The following WDR27 variants were observed in gnomAD, a reference collection of about 807,000 sequenced individuals.
WDR27 encodes WD repeat domain 27.
A neutral mutation model predicts 114.4 loss-of-function variants in WDR27; 100 were observed. That is an observed-to-expected ratio of 0.87 (90% CI 0.74 to 1.03). WDR27 has a LOEUF of 1.03. WDR27 is among the 50% of genes least tolerant of loss of function. WDR27 has a pLI of 0.00. For synonymous variants in WDR27, 449 were observed against 423.1 expected, an observed-to-expected ratio of 1.06 and a Z score of -0.75; for missense variants, 1,129 against 1,092.9, an observed-to-expected ratio of 1.03 and a Z score of -0.47.
At position 169,638,679 on chromosome 6, in the gene WDR27, G is replaced by A. The variant is rs1818343272; in HGVS notation, c.1748-19C>T. 5 of 1,588,172 alleles carry A rather than the reference G, an allele frequency of 3.1e-6. No individual in the cohort carries two copies. The highest frequency in any genetic ancestry group is 1.8e-5 in the Admixed American group (1 of 56,132). On this transcript the variant is annotated intron_variant, in intron 17 of 25. Transcript: ENST00000448612. ...TCGTGACCTAACAGGAATGACCACA[G>A]AAGGTTACTATTTCTACTATTAATA...
At chr6:169,582,298 T>C (rs1803618512) in intron 24 of WDR27, among the ~76,000 whole-genome samples, 1 of 152,176 alleles carries the variant, frequency 6.6e-6, no homozygotes, top group Non-Finnish European at 1.5e-5. Context: ...TTTAATCCTT[T>C]GCAAAAAATC....
chr6:169,664,428 T>C (rs1253322644), intron 7 of WDR27, 142 bp from the exon 8 acceptor site: 2 of 1,515,630 alleles, frequency 1.3e-6, no homozygotes, highest in African/African-American at 1.4e-5. Context: ...GGCACAGCTG[T>C]CTCCTGCCTT....
In WDR27 at chr6:169,649,291, TC is replaced by T. The variant is rs765760663; in HGVS notation, c.1482-17del. 2.6e-6 allele frequency: 4 copies of T among 1,550,862 alleles called. No individual in the cohort carries two copies. The highest frequency in any genetic ancestry group is 3.5e-6 in the Non-Finnish European group (4 of 1,143,150). The stretch of plus-strand genomic sequence containing the variant: ...CATAGTTACACTGTGGAAAGAAAAC[TC>T]TAATATCACTCTCAAATATTAAGAG... On this transcript the variant is annotated splice_polypyrimidine_tract_variant and intron_variant, in intron 14 of 25. Transcript: ENST00000448612.
At chr6:169,487,439 C>T (rs537033068) in intron 25 of WDR27, among the ~76,000 whole-genome samples, 1 of 152,228 alleles carries the variant, frequency 6.6e-6, no homozygotes, top group African/African-American at 2.4e-5. Flanking sequence ...ACAGAAGGTG[C>T]GTGCTCACCC....
intron 14 of WDR27, among the ~76,000 whole-genome samples, chr6:169,650,241 CA>C: frequency 6.7e-6 from 1 of 148,634 alleles, no homozygotes; most frequent in Non-Finnish European, 1.5e-5. Context: ...ATCCATCCCT[CA>C]TCTCTGCATC....
intron 1 of WDR27, among the ~76,000 whole-genome samples, chr6:169,701,257 C>T (rs1260886340): frequency 6.6e-6 from 1 of 151,980 alleles, no homozygotes; most frequent in Non-Finnish European, 1.5e-5. Flanking sequence ...AAAATTACTC[C>T]CTTCTGATTA....
intron 23 of WDR27, among the ~76,000 whole-genome samples, chr6:169,599,436 G>C (rs9478071): frequency 6.6e-6 from 1 of 152,190 alleles, no homozygotes; most frequent in South Asian, 2.1e-4. Flanking sequence ...CTCAATTTCA[G>C]AGCCTGTTAT....
At chr6:169,477,060 A>G (rs117151644) in intron 25 of WDR27, among the ~76,000 whole-genome samples, 1,763 of 152,374 alleles carry the variant, frequency 0.012, 22 homozygotes, top group Non-Finnish European at 0.019. Context: ...AATCCTAAAT[A>G]GTAACAAAAC....
Position 169,660,741 on chromosome 6 carries a change from C to A in WDR27, c.1051G>T (p.Val351Leu). ...AAGCCCACTGAGCTTCCGATCCACA[C>A]ACATCGGGTGTTCTCAGAAGAAAGA... ...GCLSSENTRC[V>L]WIGSSVGLFV... is the part of the protein sequence containing the mutation. The change falls in exon 10 of 26, where the codon GTG (valine) becomes TTG (leucine). Residue 351 changes from valine (V) to leucine (L), a missense_variant. Transcript: ENST00000448612. 6.2e-7 allele frequency: 1 copy of A among 1,613,834 alleles called. No individual in the cohort carries two copies. The highest frequency in any genetic ancestry group is 8.5e-7 in the Non-Finnish European group (1 of 1,179,838).
the WDR27 span, among the ~76,000 whole-genome samples, chr6:169,434,833 T>A: frequency 6.6e-6 from 1 of 152,208 alleles, no homozygotes; most frequent in East Asian, 1.9e-4. Context: ...TGGGAGAAAT[T>A]CAAGCCAGTT....
chr6:169,485,776 A>G (rs555977111), intron 25 of WDR27, among the ~76,000 whole-genome samples: 1 of 152,346 alleles, frequency 6.6e-6, no homozygotes, highest in Non-Finnish European at 1.5e-5. Context: ...TATCAATGGT[A>G]GAATGGAGAA....
intron 23 of WDR27, among the ~76,000 whole-genome samples, chr6:169,596,157 T>C (rs1806748267): frequency 1.3e-5 from 2 of 152,222 alleles, no homozygotes; most frequent in South Asian, 4.1e-4. Flanking sequence ...ACTAAATTTT[T>C]TTAATTTTAG....
chr6:169,557,354 G>A (rs895997168), intron 25 of WDR27, among the ~76,000 whole-genome samples: 5 of 152,256 alleles, frequency 3.3e-5, no homozygotes, highest in African/African-American at 1.2e-4. Context: ...GGACACAAGA[G>A]CAGTTTCCAC....
intron 14 of WDR27, among the ~76,000 whole-genome samples, chr6:169,651,675 C>T (rs187842740): frequency 2.6e-5 from 4 of 152,152 alleles, no homozygotes; most frequent in African/African-American, 4.8e-5. Context: ...GGGACCACCA[C>T]GTTATCAGAA....
intron 14 of WDR27, 61 bp from the exon 15 acceptor site, chr6:169,649,336 A>C: frequency 1.4e-6 from 2 of 1,405,526 alleles, no homozygotes; most frequent in Non-Finnish European, 2.0e-6. Flanking sequence ...TTCTTAAGAG[A>C]TTTATATTTT....
chr6:169,665,524 C>G lies in WDR27; in HGVS notation c.745G>C (p.Glu249Gln). ...YPLLSLFIDA[E>Q]SRQLVTGCAD... ...CACCCGGTGACCAGCTGCCTGCTTT[C>G]TGCATCAATGAATAAACTGAGAAGA... Residue 249 changes from glutamate (E) to glutamine (Q), a missense_variant, in exon 7 of 26, where the codon GAA becomes CAA. By Grantham distance (29) the Glu-to-Gln change is conservative (BLOSUM62 2). Transcript: ENST00000448612. 6.2e-7 allele frequency: 1 copy of G among 1,613,800 alleles called. No individual in the cohort carries two copies. The highest frequency in any genetic ancestry group is 8.5e-7 in the Non-Finnish European group (1 of 1,179,778).
At chr6:169,495,316 T>C (rs1790260166) in intron 25 of WDR27, among the ~76,000 whole-genome samples, 1 of 152,138 alleles carries the variant, frequency 6.6e-6, no homozygotes, top group Non-Finnish European at 1.5e-5. Flanking sequence ...GGGGGAAATT[T>C]AGAGCTATAC....
At chr6:169,556,155 CCTACCTGTG>C (rs1228641371) in intron 25 of WDR27, among the ~76,000 whole-genome samples, 1 of 152,172 alleles carries the variant, frequency 6.6e-6, no homozygotes, top group Non-Finnish European at 1.5e-5. Flanking sequence ...GTGCTGGGCT[CCTACCTGTG>C]AGGTAGGAGC....
At chr6:169,437,866 G>T in the WDR27 span, among the ~76,000 whole-genome samples, 1 of 151,696 alleles carries the variant, frequency 6.6e-6, no homozygotes, top group Admixed American at 6.6e-5. Flanking sequence ...GTTTTCTCTG[G>T]TAACATGAGA....
Sources: gnomAD v4.1 joint callset for allele counts (sites outside exome capture counted in the v4.1 genomes callset) on GRCh38, gnomAD v4.1.1 for gene constraint, MANE v1.5 for transcripts, NCBI Gene and HGNC (gene_info 2026-07-23, HGNC 2026-07-21) for gene names.